NRXN1: variants seen among roughly 807,000 people sequenced by gnomAD.
NRXN1 encodes the protein neurexin-1.
NRXN1 carries 39 observed loss-of-function variants against 150.9 expected under a neutral mutation model. The ratio of observed to expected loss-of-function variants is 0.26; its 90% CI spans 0.20 to 0.34. The LOEUF is 0.34. NRXN1 is among the 10% of genes least tolerant of loss of function. The pLI, the probability that NRXN1 is intolerant of heterozygous loss-of-function variation, is 1.00. For missense variants in NRXN1, 1,815 were observed against 1,949.9 expected (o/e 0.93, Z 1.30); for synonymous variants, 924 against 757.0 (o/e 1.22, Z -3.62).
At chr2:50,765,388 T>C (rs1457319588) in intron 5 of NRXN1, among the ~76,000 whole-genome samples, 3 of 152,016 alleles carry the variant, frequency 2.0e-5, no homozygotes, top group Non-Finnish European at 4.4e-5. Flanking sequence ...AAATGCGAAT[T>C]GTCCCTACAA....
intron 17 of NRXN1, among the ~76,000 whole-genome samples, chr2:50,329,650 TATATATATATATATATATATATA>T (rs1304445649): frequency 0.014 from 250 of 17,872 alleles, 5 homozygotes; most frequent in East Asian, 0.08. Flanking sequence ...TATATATATA[TATATATATATATATATATATATA>T]TTTTTTTTTT....
intron 22 of NRXN1, among the ~76,000 whole-genome samples, chr2:49,930,639 A>G (rs1054421511): frequency 2.0e-5 from 3 of 152,226 alleles, no homozygotes; most frequent in Non-Finnish European, 4.4e-5. Flanking sequence ...TTCATCCAAT[A>G]GTTTTGTCTT....
At chr2:50,225,744 A>AT (rs1240039625) in intron 18 of NRXN1, among the ~76,000 whole-genome samples, 2 of 151,892 alleles carry the variant, frequency 1.3e-5, no homozygotes, top group African/African-American at 2.4e-5. Context: ...TTATTGGTAC[A>AT]TTTTTTTAAA....
Position 50,538,605 on chromosome 2 carries a change from G to C in NRXN1, c.1791C>G (p.Pro597=). The change falls in exon 10 of 23, where the codon CCC becomes CCG. Residue 597 remains proline (P), a synonymous_variant. Transcript: ENST00000401669. ...GTISVNTLRT[P]YTAPGESEIL... ...TCTCACTCTCACCAGGAGCAGTGTA[G>C]GGAGTACGCAACGTGTTGACAGAAA... 2.0e-6 allele frequency: 3 copies of C among 1,519,808 alleles called. No individual in the cohort carries two copies. Among genetic ancestry groups the C allele is most frequent in the Non-Finnish European group, 2.6e-6 (3 of 1,133,354 alleles). The allele number at this position is 1,519,808 out of a possible 1,614,324, so 94.1% of individuals were successfully genotyped here. A position where few individuals can be genotyped will look rare whatever the true frequency, so the allele number is the denominator to read the frequency against.
chr2:50,488,618 G>C (rs2091041268), intron 15 of NRXN1, among the ~76,000 whole-genome samples: 1 of 152,066 alleles, frequency 6.6e-6, no homozygotes, highest in African/African-American at 2.4e-5. Flanking sequence ...CTTGTCCGTG[G>C]GTTCCTGTAA....
chr2:50,748,363 A>G (rs767841679), intron 5 of NRXN1, among the ~76,000 whole-genome samples: 3 of 152,152 alleles, frequency 2.0e-5, no homozygotes, highest in Non-Finnish European at 4.4e-5. Context: ...ATCTCTATGA[A>G]TAAAATGTCG....
intron 21 of NRXN1, among the ~76,000 whole-genome samples, chr2:49,996,507 G>A (rs1290775868): frequency 6.6e-6 from 1 of 152,172 alleles, no homozygotes; most frequent in East Asian, 1.9e-4. Context: ...CAAAGTCTTT[G>A]TAGGTATAAT....
chr2:50,056,396 A>G (rs1242821919), intron 19 of NRXN1, among the ~76,000 whole-genome samples: 2 of 152,180 alleles, frequency 1.3e-5, no homozygotes, highest in South Asian at 4.1e-4. Flanking sequence ...CTGAATGTCT[A>G]TATGACTGAA....
intron 12 of NRXN1, 122 bp from the exon 13 acceptor site, chr2:50,506,739 A>C: frequency 3.1e-6 from 3 of 979,564 alleles, no homozygotes; most frequent in Non-Finnish European, 4.4e-6. Flanking sequence ...AGAAAGAAGA[A>C]AGGAAGAAAG....
At chr2:50,999,305 CT>C (rs1305082342) in intron 2 of NRXN1, among the ~76,000 whole-genome samples, 4 of 152,042 alleles carry the variant, frequency 2.6e-5, no homozygotes, top group African/African-American at 9.7e-5. Context: ...CTATTATGCA[CT>C]GTACAAGGTG....
chr2:50,716,652 T>C (rs1267842794), intron 5 of NRXN1, among the ~76,000 whole-genome samples: 1 of 152,170 alleles, frequency 6.6e-6, no homozygotes, highest in East Asian at 1.9e-4. Flanking sequence ...TCCATCTACA[T>C]ATAAATATAC....
intron 5 of NRXN1, among the ~76,000 whole-genome samples, chr2:50,649,853 T>G (rs1307012754): frequency 1.3e-5 from 2 of 151,998 alleles, no homozygotes; most frequent in Non-Finnish European, 2.9e-5. Context: ...GGAATGTGAA[T>G]GAATCATAGA....
At chr2:50,236,538 A>G (rs564773127) in intron 18 of NRXN1, among the ~76,000 whole-genome samples, 83 of 151,576 alleles carry the variant, frequency 5.5e-4, no homozygotes, top group South Asian at 3.3e-3. Context: ...ATTTTTTTAA[A>G]AATTATTTTG....
intron 9 of NRXN1, among the ~76,000 whole-genome samples, chr2:50,543,955 A>G (rs1216341228): frequency 6.6e-6 from 1 of 152,148 alleles, no homozygotes; most frequent in Non-Finnish European, 1.5e-5. Context: ...CTAACTAGCT[A>G]GCAAGTTTAG....
chr2:50,457,657 G>A (rs1011344926), intron 17 of NRXN1, among the ~76,000 whole-genome samples: 11 of 151,822 alleles, frequency 7.2e-5, no homozygotes, highest in African/African-American at 2.7e-4. Context: ...ATGGGCAAAA[G>A]AAGACATTCC....
chr2:50,666,872 GATGATGA>G lies in NRXN1; in HGVS notation c.833-43264_833-43258del, dbSNP rs777595400. 3.2e-4 allele frequency among the ~76,000 whole-genome samples: 27 copies of G among 85,510 alleles called. 1 individual carries two copies. In the South Asian group the frequency reaches 3.5e-3, roughly 11 times the overall value. The allele number at this position is 85,510 out of a possible 152,430, so 56.1% of individuals were successfully genotyped here. On this transcript the variant is annotated intron_variant, in intron 5 of 22. Coordinates refer to ENST00000401669, the MANE Select transcript of NRXN1 (RefSeq NM_001330078.2). ...TGATGATGATGATGATGATGATGAT[GATGATGA>G]TGTGTGTGTGTGTGTGTGTGTGTGT...
intron 12 of NRXN1, among the ~76,000 whole-genome samples, chr2:50,524,084 G>A (rs2092874950): frequency 6.6e-6 from 1 of 152,140 alleles, no homozygotes; most frequent in Non-Finnish European, 1.5e-5. Flanking sequence ...GTAGGTGGGA[G>A]AACAGACAAA....
rs115211871 is a variant in NRXN1, at chr2:50,506,571, G to A, written c.2421C>T (p.Asn807=). 1,582 of 1,613,220 alleles carry A rather than the reference G, an allele frequency of 9.8e-4. 12 individuals are homozygous for A. In the African/African-American group the frequency reaches 0.017, roughly 18 times the overall value. ...TLFAGYNLND[N]EWHTVRVVRR... ...GAACTACACGCACTGTGTGCCACTC[G>A]TTATCATTGAGGTTATAGCCAGCAA... The change falls in exon 13 of 23, where the codon AAC becomes AAT. Residue 807 remains asparagine (N), a synonymous_variant. Transcript: ENST00000401669.
intron 22 of NRXN1, among the ~76,000 whole-genome samples, chr2:49,929,510 T>G (rs1225031425): frequency 4.6e-5 from 7 of 152,164 alleles, no homozygotes. Flanking sequence ...ACTGTTCCCA[T>G]GGCCATTCAT....
Sources: gnomAD v4.1 joint callset for allele counts (sites outside exome capture counted in the v4.1 genomes callset) on GRCh38, gnomAD v4.1.1 for gene constraint, MANE v1.5 for transcripts, NCBI Gene and HGNC (gene_info 2026-07-23, HGNC 2026-07-21) for gene names.